TAFA2: variants seen among roughly 807,000 people sequenced by gnomAD.
TAFA2 encodes TAFA chemokine like family member 2.
A neutral mutation model predicts 18.8 loss-of-function variants in TAFA2; 7 were observed. The ratio of observed to expected loss-of-function variants is 0.37; its 90% CI spans 0.21 to 0.70. The LOEUF is 0.70. Among genes scored for constraint, TAFA2 ranks in the 30% least tolerant of loss-of-function variants. The pLI, the probability that TAFA2 is intolerant of heterozygous loss-of-function variation, is 0.53. For synonymous variants in TAFA2, 60 were observed against 54.2 expected, an observed-to-expected ratio of 1.11 and a Z score of -0.47; for missense variants, 122 against 158.1, an observed-to-expected ratio of 0.77 and a Z score of 1.23.
chr12:61,872,343 G>A (rs184077206), intron 1 of TAFA2, among the ~76,000 whole-genome samples: 1 of 151,946 alleles, frequency 6.6e-6, no homozygotes, highest in Non-Finnish European at 1.5e-5. Context: ...TCTTTACATT[G>A]ATCTAAATAC....
At chr12:62,153,471 TGG>T (rs2062343863) in intron 1 of TAFA2, among the ~76,000 whole-genome samples, 1 of 152,042 alleles carries the variant, frequency 6.6e-6, no homozygotes, top group Non-Finnish European at 1.5e-5. Context: ...GAGACCAGTC[TGG>T]GCAACAGAGC....
In TAFA2 at chr12:61,871,566, T is replaced by C. The variant is rs570709960; in HGVS notation, c.-1-4140A>G. Among the ~76,000 whole-genome samples the C allele has an allele frequency of 1.1e-4, 17 of 152,242 alleles. No individual in the cohort carries two copies. The East Asian group carries it at 3.3e-3, about 29-fold the overall frequency. Reference sequence around the variant, plus strand: ...ACACATAGAGGAGGAAACCTTGAAATCGCTCCCAGGCAGCAGCAGCTTGCA... The same window carrying C: ...ACACATAGAGGAGGAAACCTTGAAACCGCTCCCAGGCAGCAGCAGCTTGCA... On this transcript the variant is annotated intron_variant, in intron 1 of 4. Coordinates refer to ENST00000416284, the MANE Select transcript of TAFA2 (RefSeq NM_178539.5).
chr12:62,109,357 G>A lies in TAFA2; in HGVS notation c.-2+81902C>T, dbSNP rs1259644081. The stretch of plus-strand genomic sequence containing the variant: ...GGTCTATATATCTGTTTTGGTACCA[G>A]TACCATGCTGTTTTGGTTACTGTAG... On this transcript the variant is annotated intron_variant, in intron 1 of 4. Coordinates refer to ENST00000416284, the MANE Select transcript of TAFA2 (RefSeq NM_178539.5). Among the ~76,000 whole-genome samples the A allele has an allele frequency of 2.6e-5, 4 of 152,184 alleles. No individual in the cohort carries two copies. In the East Asian group the frequency reaches 7.7e-4, roughly 29 times the overall value.
intron 1 of TAFA2, among the ~76,000 whole-genome samples, chr12:62,076,385 C>T (rs1868248780): frequency 1.3e-5 from 2 of 152,108 alleles, no homozygotes; most frequent in South Asian, 2.1e-4. Context: ...AAAATAAATA[C>T]ATAAATATTT....
intron 1 of TAFA2, among the ~76,000 whole-genome samples, chr12:62,016,752 A>T (rs1392533268): frequency 6.6e-6 from 1 of 151,966 alleles, no homozygotes; most frequent in Non-Finnish European, 1.5e-5. Context: ...AGCCAGTCAA[A>T]CTGTCAACAA....
At chr12:61,886,391 C>T (rs1490588561) in intron 1 of TAFA2, among the ~76,000 whole-genome samples, 1 of 152,128 alleles carries the variant, frequency 6.6e-6, no homozygotes, top group South Asian at 2.1e-4. Flanking sequence ...ACTGCCACTG[C>T]CCCATGGAAT....
chr12:61,956,523 T>A (rs1014193088), intron 1 of TAFA2, among the ~76,000 whole-genome samples: 3 of 151,964 alleles, frequency 2.0e-5, no homozygotes, highest in Non-Finnish European at 2.9e-5. Flanking sequence ...AAAATGTAGT[T>A]GGGTTTGTTT....
chr12:61,905,012 G>A (rs987433490), intron 1 of TAFA2, among the ~76,000 whole-genome samples: 6 of 152,110 alleles, frequency 3.9e-5, no homozygotes, highest in Non-Finnish European at 8.8e-5. Flanking sequence ...GCAGTCAGAG[G>A]AAAGCTTACC....
chr12:61,877,962 C>CAA (rs1436831673), intron 1 of TAFA2: 1 of 430,224 alleles, frequency 2.3e-6, no homozygotes, highest in Non-Finnish European at 4.6e-6. Context: ...TATATATACA[C>CAA]ACACAGTGGA....
chr12:61,777,595 G>A (rs1467537033), intron 2 of TAFA2, among the ~76,000 whole-genome samples: 2 of 151,560 alleles, frequency 1.3e-5, no homozygotes, highest in Non-Finnish European at 2.9e-5. Context: ...TAGGGGCATA[G>A]TAATTGAGAA....
At chr12:62,107,672 C>CT (rs1467121470) in intron 1 of TAFA2, among the ~76,000 whole-genome samples, 2 of 152,104 alleles carry the variant, frequency 1.3e-5, no homozygotes, top group African/African-American at 4.8e-5. Context: ...CTTTTTAACT[C>CT]TTCTGTGTTC....
At chr12:61,763,672 C>T (rs1164710206) in intron 2 of TAFA2, among the ~76,000 whole-genome samples, 3 of 151,760 alleles carry the variant, frequency 2.0e-5, no homozygotes. Flanking sequence ...GACACATGAG[C>T]CAAAAGTATG....
intron 1 of TAFA2, among the ~76,000 whole-genome samples, chr12:62,013,044 G>A (rs1486333744): frequency 1.3e-5 from 2 of 152,080 alleles, no homozygotes; most frequent in African/African-American, 4.8e-5. Context: ...AAGATTACAA[G>A]GGGAGCATTT....
intron 1 of TAFA2, among the ~76,000 whole-genome samples, chr12:62,026,350 C>T (rs1272465161): frequency 2.0e-5 from 3 of 152,022 alleles, no homozygotes; most frequent in African/African-American, 7.2e-5. Context: ...CTTAAAGCGC[C>T]CCTGCTTGGA....
intron 1 of TAFA2, among the ~76,000 whole-genome samples, chr12:62,175,241 G>T (rs1468805345): frequency 6.6e-6 from 1 of 152,080 alleles, no homozygotes; most frequent in Non-Finnish European, 1.5e-5. Flanking sequence ...AAGATTACAT[G>T]CAGTGGGAAC....
intron 1 of TAFA2, chr12:62,198,410 G>A (rs1366848627): frequency 2.6e-5 from 4 of 152,106 alleles, no homozygotes; most frequent in Non-Finnish European, 5.9e-5. Flanking sequence ...AGAGAACCTG[G>A]GTTCATTAGT....
At chr12:62,129,310 T>C (rs1204932305) in intron 1 of TAFA2, among the ~76,000 whole-genome samples, 1 of 152,056 alleles carries the variant, frequency 6.6e-6, no homozygotes, top group African/African-American at 2.4e-5. Flanking sequence ...AAAAACTCAT[T>C]AAGAAAGATC....
At chr12:61,855,497 G>A (rs781469478) in intron 2 of TAFA2, among the ~76,000 whole-genome samples, 8 of 152,078 alleles carry the variant, frequency 5.3e-5, no homozygotes, top group Non-Finnish European at 1.0e-4. Context: ...CAACAGGGGT[G>A]GGAGAAAGGA....
intron 2 of TAFA2, among the ~76,000 whole-genome samples, chr12:61,839,317 T>G (rs994164981): frequency 6.6e-6 from 1 of 152,046 alleles, no homozygotes; most frequent in Non-Finnish European, 1.5e-5. Flanking sequence ...AGTTGCTACA[T>G]AAGAAGGAAG....
Sources: gnomAD v4.1 joint callset for allele counts (sites outside exome capture counted in the v4.1 genomes callset) on GRCh38, gnomAD v4.1.1 for gene constraint, MANE v1.5 for transcripts, NCBI Gene and HGNC (gene_info 2026-07-23, HGNC 2026-07-21) for gene names.